IKZF1: variants seen among roughly 807,000 people sequenced by gnomAD.
IKZF1 encodes IKAROS family zinc finger 1, also known as DNA-binding protein Ikaros.
IKZF1 carries 10 observed loss-of-function variants against 51.7 expected under a neutral mutation model. That is an observed-to-expected ratio of 0.19 (90% CI 0.12 to 0.33). The LOEUF (loss-of-function observed/expected upper bound fraction) is 0.33. Among genes scored for constraint, IKZF1 ranks in the 10% least tolerant of loss-of-function variants. IKZF1 has a pLI of 1.00. For synonymous variants in IKZF1, 280 were observed against 282.3 expected, an observed-to-expected ratio of 0.99 and a Z score of 0.08; for missense variants, 484 against 707.5, an observed-to-expected ratio of 0.68 and a Z score of 3.58.
chr7:50,359,487 T>C (rs1455878002), intron 3 of IKZF1, among the ~76,000 whole-genome samples: 1 of 152,200 alleles, frequency 6.6e-6, no homozygotes, highest in Admixed American at 6.5e-5. Context: ...TTCCGAACAG[T>C]GGAGACTGCT....
rs1241762329 is a variant in IKZF1 at position 50,404,962 on chromosome 7, G to A, written c.*4335G>A. The A allele has an allele frequency of 4.8e-6, 1 of 207,668 alleles. No homozygotes were observed. Among genetic ancestry groups the A allele is most frequent in the Non-Finnish European group, 9.8e-6 (1 of 101,892 alleles). The allele number at this position is 207,668 out of a possible 1,614,324, so 12.9% of individuals were successfully genotyped here. ...AAGTCAAGTTATAGTTTGGATGTTA[G>A]TATAGAATTTTGAAATTGGGAATTA... On this transcript the variant is annotated 3_prime_UTR_variant, in exon 8 of 8. Transcript: ENST00000331340.
chr7:50,317,520 C>T (rs1791896616), intron 1 of IKZF1, among the ~76,000 whole-genome samples: 1 of 152,142 alleles, frequency 6.6e-6, no homozygotes, highest in Non-Finnish European at 1.5e-5. Flanking sequence ...TGCATCTGGG[C>T]TAGTGTGTCT....
intron 3 of IKZF1, among the ~76,000 whole-genome samples, chr7:50,340,897 A>G (rs894161878): frequency 7.2e-5 from 11 of 152,198 alleles, no homozygotes; most frequent in African/African-American, 2.7e-4. Flanking sequence ...TGTTTTTGTC[A>G]CTGTAAAGGC....
Position 50,376,114 on chromosome 7 carries a change from G to A in IKZF1, c.161-419G>A, listed in dbSNP as rs1284292615. Among the ~76,000 whole-genome samples the A allele has an allele frequency of 6.6e-6, 1 of 152,228 alleles. No homozygotes were observed. Among genetic ancestry groups the A allele is most frequent in the Non-Finnish European group, 1.5e-5 (1 of 68,044 alleles). ...CAAACAAGTTCACACATCCTAGAGA[G>A]CTGGATTGTGTGACCCAGAACCCAC... On this transcript the variant is annotated intron_variant, in intron 3 of 7. Coordinates refer to ENST00000331340, the MANE Select transcript of IKZF1 (RefSeq NM_006060.6). The surrounding 1 kb of genome is among the most constrained non-coding windows in gnomAD (Gnocchi z 4.5).
chr7:50,333,263 T>C (rs1206553810), intron 3 of IKZF1, among the ~76,000 whole-genome samples: 1 of 147,654 alleles, frequency 6.8e-6, no homozygotes, highest in Non-Finnish European at 1.5e-5. Flanking sequence ...TATTTTAAAT[T>C]GGCTATTCTG....
intron 3 of IKZF1, among the ~76,000 whole-genome samples, chr7:50,340,402 C>G (rs1798807750): frequency 6.6e-6 from 1 of 152,190 alleles, no homozygotes; most frequent in African/African-American, 2.4e-5. Flanking sequence ...TCTGGTGAAG[C>G]CCTGAACATC....
At chr7:50,398,127 C>T (rs1190425310) in intron 7 of IKZF1, among the ~76,000 whole-genome samples, 1 of 152,194 alleles carries the variant, frequency 6.6e-6, no homozygotes, top group Non-Finnish European at 1.5e-5. Context: ...TCAGGTGCAT[C>T]GTGGAAGGTG....
intron 3 of IKZF1, among the ~76,000 whole-genome samples, chr7:50,363,749 G>A (rs753602515): frequency 6.6e-6 from 1 of 152,200 alleles, no homozygotes; most frequent in Non-Finnish European, 1.5e-5. Context: ...GGTTTTCATA[G>A]AATCTTGACT....
intron 4 of IKZF1, among the ~76,000 whole-genome samples, chr7:50,380,945 C>G (rs1811674648): frequency 6.6e-6 from 1 of 152,186 alleles, no homozygotes; most frequent in African/African-American, 2.4e-5. Flanking sequence ...CACCTTCCAA[C>G]CTGCTTACGT....
chr7:50,363,599 C>T (rs1398046272), intron 3 of IKZF1, among the ~76,000 whole-genome samples: 2 of 152,122 alleles, frequency 1.3e-5, no homozygotes, highest in African/African-American at 2.4e-5. Context: ...TTTCTAAGAC[C>T]GGAGCAACAA....
At chr7:50,334,886 G>C (rs1258630401) in intron 3 of IKZF1, among the ~76,000 whole-genome samples, 1 of 150,452 alleles carries the variant, frequency 6.6e-6, no homozygotes, top group African/African-American at 2.4e-5. Context: ...TGTAATGTGT[G>C]GTGTGTGTGT....
intron 3 of IKZF1, among the ~76,000 whole-genome samples, chr7:50,340,668 C>T (rs1160986227): frequency 6.6e-6 from 1 of 152,230 alleles, no homozygotes; most frequent in African/African-American, 2.4e-5. Flanking sequence ...TCTGTGCTCT[C>T]CAGTTGAACT....
chr7:50,393,837 G>A (rs1815924113), intron 7 of IKZF1: 3 of 233,000 alleles, frequency 1.3e-5, no homozygotes, highest in Non-Finnish European at 2.5e-5. Flanking sequence ...GCAGAGATAA[G>A]GCAGCAAGTG....
At chr7:50,348,546 G>A (rs1375013039) in intron 3 of IKZF1, among the ~76,000 whole-genome samples, 1 of 152,190 alleles carries the variant, frequency 6.6e-6, no homozygotes, top group Non-Finnish European at 1.5e-5. Context: ...GTGGTTTTCA[G>A]ACCCTGGACA....
intron 3 of IKZF1, chr7:50,367,518 T>C (rs1807293656): frequency 6.5e-6 from 1 of 152,766 alleles, no homozygotes; most frequent in Non-Finnish European, 1.5e-5. Context: ...AACAGGAATT[T>C]TTCCCCCACC....
intron 3 of IKZF1, among the ~76,000 whole-genome samples, chr7:50,336,250 C>T (rs1010634289): frequency 1.4e-4 from 21 of 150,542 alleles, no homozygotes; most frequent in African/African-American, 4.7e-4. Context: ...TGCCTGGCCC[C>T]GGCGGGGGCA....
chr7:50,332,177 A>C (rs1796568657), intron 3 of IKZF1, among the ~76,000 whole-genome samples: 1 of 152,194 alleles, frequency 6.6e-6, no homozygotes, highest in Non-Finnish European at 1.5e-5. Context: ...GGGCTCTTAA[A>C]AGTTTTTTGT....
chr7:50,317,595 T>C (rs1791921780), intron 1 of IKZF1, among the ~76,000 whole-genome samples: 1 of 152,134 alleles, frequency 6.6e-6, no homozygotes, highest in Non-Finnish European at 1.5e-5. Context: ...CAGTGGCCAC[T>C]AGCTGTACTC....
chr7:50,388,086 T>A (rs766759360), intron 6 of IKZF1, among the ~76,000 whole-genome samples: 15 of 152,174 alleles, frequency 9.9e-5, no homozygotes, highest in Non-Finnish European at 1.8e-4. Flanking sequence ...AGCACTTGAT[T>A]CAGACCCCAG....
Sources: allele counts gnomAD v4.1 joint callset (sites outside exome capture counted in the v4.1 genomes callset), GRCh38; gene constraint gnomAD v4.1.1; non-coding constraint Gnocchi (gnomAD v3.1); transcripts MANE v1.5; gene names NCBI Gene and HGNC (gene_info 2026-07-23, HGNC 2026-07-21).